CDH2: variants seen among roughly 807,000 people sequenced by gnomAD.
CDH2 encodes the protein cadherin-2.
Under a neutral mutation model 92.0 loss-of-function variants are expected in CDH2, and 17 were observed. The ratio of observed to expected loss-of-function variants is 0.18; its 90% CI spans 0.13 to 0.28. The LOEUF is 0.28. CDH2 is among the 10% of genes least tolerant of loss of function. CDH2 has a pLI of 1.00. For synonymous variants in CDH2, 419 were observed against 415.9 expected, an observed-to-expected ratio of 1.01 and a Z score of -0.09; for missense variants, 862 against 1,133.1, an observed-to-expected ratio of 0.76 and a Z score of 3.44.
chr18:27,933,208 G>A (rs1437014512), intron 6 of CDH2, among the ~76,000 whole-genome samples: 1 of 152,110 alleles, frequency 6.6e-6, no homozygotes. Flanking sequence ...GAGGTATACT[G>A]ATGGTAATAT....
intron 1 of CDH2, among the ~76,000 whole-genome samples, chr18:28,175,934 G>A (rs560370123): frequency 1.6e-4 from 24 of 152,170 alleles, no homozygotes; most frequent in Non-Finnish European, 3.1e-4. Flanking sequence ...AGAGGGTCCC[G>A]GCCGAGGCTG....
chr18:28,145,684 T>C (rs2016023922), intron 2 of CDH2, among the ~76,000 whole-genome samples: 1 of 152,150 alleles, frequency 6.6e-6, no homozygotes, highest in South Asian at 2.1e-4. Context: ...CAAAAGCCTG[T>C]GTAAATTTTC....
chr18:28,016,457 C>A (rs1330631804), intron 2 of CDH2, among the ~76,000 whole-genome samples: 1 of 144,768 alleles, frequency 6.9e-6, no homozygotes, highest in African/African-American at 2.5e-5. Context: ...ACAAACAAAA[C>A]CCAGGGACTT....
At chr18:28,063,082 A>G (rs942703712) in intron 2 of CDH2, among the ~76,000 whole-genome samples, 2 of 152,242 alleles carry the variant, frequency 1.3e-5, no homozygotes, top group Admixed American at 1.3e-4. Flanking sequence ...AACATTAGAT[A>G]TAAGTAGCAC....
intron 2 of CDH2, among the ~76,000 whole-genome samples, chr18:28,145,054 A>AT (rs1356173169): frequency 3.3e-5 from 5 of 152,078 alleles, no homozygotes; most frequent in Non-Finnish European, 7.4e-5. Flanking sequence ...TTCCTCAAGC[A>AT]TTTTTGCAAA....
intron 2 of CDH2, among the ~76,000 whole-genome samples, chr18:28,132,385 C>T (rs978402957): frequency 6.6e-6 from 1 of 152,186 alleles, no homozygotes; most frequent in Non-Finnish European, 1.5e-5. Context: ...TTCCTTCTCT[C>T]CACTCTGCCT....
At chr18:28,033,894 A>C (rs2013760296) in intron 2 of CDH2, among the ~76,000 whole-genome samples, 1 of 152,126 alleles carries the variant, frequency 6.6e-6, no homozygotes, top group African/African-American at 2.4e-5. Context: ...AAGATACTAA[A>C]AAAATGCTTG....
At position 28,026,742 on chromosome 18, in the gene CDH2, C is replaced by T. The variant is rs188689607; in HGVS notation, c.173-12833G>A. Among the ~76,000 whole-genome samples the T allele has an allele frequency of 3.5e-4, 53 of 152,308 alleles. No homozygotes were observed. The East Asian group carries it at 5.0e-3, about 14-fold the overall frequency. ...AGTTGCAGTGAGTATCTGTAGCATA[C>T]CTGTATTCCATTCATGGCATTCTAG... is the stretch of plus-strand genomic sequence containing the variant. On this transcript the variant is annotated intron_variant, in intron 2 of 15. Coordinates refer to ENST00000269141, the MANE Select transcript of CDH2 (RefSeq NM_001792.5).
intron 2 of CDH2, among the ~76,000 whole-genome samples, chr18:28,126,653 T>A (rs1196004313): frequency 6.6e-6 from 1 of 152,186 alleles, no homozygotes; most frequent in African/African-American, 2.4e-5. Flanking sequence ...ATAATTGGGG[T>A]AAATTGCTCC....
rs116405411 is a variant in CDH2, at chr18:28,039,028, G to A, written c.173-25119C>T. On this transcript the variant is annotated intron_variant, in intron 2 of 15. Transcript: ENST00000269141. ...ATCTTTGAATGTATTAATGATAATT[G>A]AAGGATCCACATCTCATCTCTGGGA... Among the ~76,000 whole-genome samples, 751 of 152,208 alleles carry A rather than the reference G, an allele frequency of 4.9e-3. 5 individuals are homozygous for A. Among genetic ancestry groups the A allele is most frequent in the African/African-American group, 0.016 (672 of 41,528 alleles).
intron 2 of CDH2, among the ~76,000 whole-genome samples, chr18:28,132,104 G>T (rs1395180586): frequency 2.0e-5 from 3 of 152,172 alleles, no homozygotes; most frequent in Non-Finnish European, 2.9e-5. Context: ...TCTCTCTAAG[G>T]TGATACTTCC....
chr18:28,151,057 C>T (rs1006570390), intron 1 of CDH2, among the ~76,000 whole-genome samples: 2 of 152,212 alleles, frequency 1.3e-5, no homozygotes, highest in Non-Finnish European at 2.9e-5. Flanking sequence ...GTATCTCATT[C>T]AATTCTCCCT....
intron 2 of CDH2, among the ~76,000 whole-genome samples, chr18:28,117,021 C>T (rs1414163609): frequency 6.6e-6 from 1 of 152,090 alleles, no homozygotes; most frequent in African/African-American, 2.4e-5. Flanking sequence ...CTCTTCCTCC[C>T]TCACAAATTA....
At chr18:28,044,851 G>A (rs910107113) in intron 2 of CDH2, among the ~76,000 whole-genome samples, 1 of 21,422 alleles carries the variant, frequency 4.7e-5, no homozygotes, top group Non-Finnish European at 9.9e-5. Flanking sequence ...ATATAACATC[G>A]TGTGTGTGTG....
chr18:28,129,058 A>G (rs1439704187), intron 2 of CDH2, among the ~76,000 whole-genome samples: 3 of 152,214 alleles, frequency 2.0e-5, no homozygotes, highest in Non-Finnish European at 4.4e-5. Context: ...GATATATCCC[A>G]GTCCACTCAA....
chr18:28,018,575 A>T (rs183005145), intron 2 of CDH2, among the ~76,000 whole-genome samples: 149 of 152,238 alleles, frequency 9.8e-4, no homozygotes, highest in Middle Eastern at 3.4e-3. Flanking sequence ...GTATGAAAAA[A>T]TGCTCAACAT....
At chr18:28,039,873 C>T (rs1462653539) in intron 2 of CDH2, among the ~76,000 whole-genome samples, 2 of 152,122 alleles carry the variant, frequency 1.3e-5, no homozygotes, top group African/African-American at 4.8e-5. Context: ...ACATTTATGG[C>T]TCAAGAAAAA....
chr18:28,129,194 T>C (rs1054029637), intron 2 of CDH2, among the ~76,000 whole-genome samples: 51 of 152,308 alleles, frequency 3.3e-4, no homozygotes, highest in Non-Finnish European at 4.6e-4. Context: ...TCTTTCAAAA[T>C]ACCATTGAGT....
downstream of CDH2, among the ~76,000 whole-genome samples, chr18:27,947,319 A>G (rs535111996): frequency 1.3e-5 from 2 of 151,994 alleles, no homozygotes; most frequent in South Asian, 4.1e-4. Context: ...TTAGAGTGTA[A>G]TAAAATGAGA....
Sources: allele counts gnomAD v4.1 joint callset (sites outside exome capture counted in the v4.1 genomes callset), GRCh38; gene constraint gnomAD v4.1.1; transcripts MANE v1.5; gene names NCBI Gene and HGNC (gene_info 2026-07-23, HGNC 2026-07-21).